The following OR1J2 variants were observed in gnomAD, a reference collection of about 807,000 sequenced individuals.
OR1J2 encodes olfactory receptor family 1 subfamily J member 2.
For missense variants in OR1J2, 304 were observed against 246.1 expected (o/e 1.24, Z -1.57); for synonymous variants, 142 against 99.7 (o/e 1.42, Z -2.52).
the OR1J2 span, among the ~76,000 whole-genome samples, chr9:122,575,830 C>CA: frequency 6.6e-6 from 1 of 152,296 alleles, no homozygotes; most frequent in African/African-American, 2.4e-5. Flanking sequence ...TCATGTTGTA[C>CA]ATTAGATCTC....
the OR1J2 span, among the ~76,000 whole-genome samples, chr9:122,467,891 C>T: frequency 6.6e-6 from 1 of 152,202 alleles, no homozygotes; most frequent in Non-Finnish European, 1.5e-5. Flanking sequence ...GCAGATTCTT[C>T]ACCATCACTG....
At chr9:122,544,059 G>T in the OR1J2 span, among the ~76,000 whole-genome samples, 1 of 152,032 alleles carries the variant, frequency 6.6e-6, no homozygotes, top group Non-Finnish European at 1.5e-5. Context: ...TAGAATTTGT[G>T]TAAGATTAAA....
Position 122,511,734 on chromosome 9 carries a change from C to G in OR1J2, c.933C>G (p.Phe311Leu), listed in dbSNP as rs1828642268. ...LGKLFSRATF[F>L]SW Reference sequence around the variant, plus strand: ...AACTCTTCAGTAGAGCAACATTTTTCTCTTGGTGACATCTGACTTTTTAAA... The same window carrying G: ...AACTCTTCAGTAGAGCAACATTTTTGTCTTGGTGACATCTGACTTTTTAAA... Residue 311 changes from phenylalanine (F) to leucine (L), a missense_variant, in exon 1 of 1, where the codon TTC becomes TTG. By Grantham distance (22) the Phe-to-Leu change is conservative (BLOSUM62 0). Coordinates refer to ENST00000335302, the MANE Select transcript of OR1J2 (RefSeq NM_054107.1). 1.3e-6 allele frequency: 1 copy of G among 780,676 alleles called. No homozygotes were observed. Among genetic ancestry groups the G allele is most frequent in the African/African-American group, 1.7e-5 (1 of 59,120 alleles). 48.4% of individuals were successfully genotyped at this position (780,676 alleles called of 1,614,324 possible). A position where few individuals can be genotyped will look rare whatever the true frequency, so the allele number is the denominator to read the frequency against.
the OR1J2 span, among the ~76,000 whole-genome samples, chr9:122,528,386 T>C: frequency 1.3e-5 from 2 of 151,982 alleles, no homozygotes; most frequent in Non-Finnish European, 2.9e-5. Flanking sequence ...CTACCTGAGG[T>C]CAGTAGTTCA....
At chr9:122,477,682 A>G in the OR1J2 span, 2 of 1,614,220 alleles carry the variant, frequency 1.2e-6, no homozygotes. Flanking sequence ...CATGTTCATC[A>G]GCATCTTAGG....
chr9:122,575,439 T>G, the OR1J2 span, among the ~76,000 whole-genome samples: 1 of 152,164 alleles, frequency 6.6e-6, no homozygotes, highest in African/African-American at 2.4e-5. Context: ...TATCATGTCT[T>G]TCAAAGAATT....
chr9:122,571,039 T>C, the OR1J2 span, among the ~76,000 whole-genome samples: 2 of 152,202 alleles, frequency 1.3e-5, no homozygotes, highest in Non-Finnish European at 2.9e-5. Flanking sequence ...ATACATATCT[T>C]ACAATCGTGC....
chr9:122,504,731 C>T, the OR1J2 span, among the ~76,000 whole-genome samples: 1 of 152,086 alleles, frequency 6.6e-6, no homozygotes, highest in African/African-American at 2.4e-5. Flanking sequence ...TGTCCAAACC[C>T]ACCACAGGTA....
the OR1J2 span, among the ~76,000 whole-genome samples, chr9:122,521,862 G>A: frequency 1.3e-5 from 2 of 152,148 alleles, no homozygotes; most frequent in Non-Finnish European, 2.9e-5. Flanking sequence ...GACCAATATT[G>A]TCATTTATGT....
chr9:122,483,130 C>T, the OR1J2 span, among the ~76,000 whole-genome samples: 6 of 152,090 alleles, frequency 3.9e-5, no homozygotes, highest in Admixed American at 6.5e-5. Context: ...ATTATTGTGT[C>T]AATTAAGCAT....
the OR1J2 span, among the ~76,000 whole-genome samples, chr9:122,478,756 A>G: frequency 6.6e-6 from 1 of 152,166 alleles, no homozygotes; most frequent in Admixed American, 6.5e-5. Flanking sequence ...TTTCAGATCC[A>G]TACATAATTG....
At chr9:122,507,627 C>G (rs777507239), upstream of OR1J2, among the ~76,000 whole-genome samples, 4 of 152,154 alleles carry the variant, frequency 2.6e-5, no homozygotes, top group African/African-American at 9.7e-5. Flanking sequence ...CATTTTCCCC[C>G]TGTGCTCATA....
chr9:122,531,337 T>C, the OR1J2 span, among the ~76,000 whole-genome samples: 11,448 of 152,254 alleles, frequency 0.075, 491 homozygotes, highest in Non-Finnish European at 0.096. Flanking sequence ...CCAGGAGATA[T>C]CAGCTGTGAT....
At chr9:122,534,523 T>C in the OR1J2 span, among the ~76,000 whole-genome samples, 2 of 152,084 alleles carry the variant, frequency 1.3e-5, no homozygotes, top group Non-Finnish European at 2.9e-5. Context: ...TTTAAGAGGA[T>C]ATTGCTGGGC....
At chr9:122,572,524 G>A in the OR1J2 span, among the ~76,000 whole-genome samples, 15 of 152,072 alleles carry the variant, frequency 9.9e-5, no homozygotes, top group African/African-American at 2.4e-4. Context: ...AGTACAGGGT[G>A]AGTGTATGGG....
chr9:122,452,415 C>G, the OR1J2 span, among the ~76,000 whole-genome samples: 1 of 152,106 alleles, frequency 6.6e-6, no homozygotes, highest in African/African-American at 2.4e-5. Context: ...TTAGGTTGGC[C>G]ATAGTGTTCC....
At chr9:122,505,085 A>G in the OR1J2 span, among the ~76,000 whole-genome samples, 2 of 152,186 alleles carry the variant, frequency 1.3e-5, no homozygotes, top group Non-Finnish European at 2.9e-5. Context: ...TCCAAGTTAT[A>G]TAAAGTTGTG....
At chr9:122,522,028 C>G in the OR1J2 span, among the ~76,000 whole-genome samples, 1 of 152,214 alleles carries the variant, frequency 6.6e-6, no homozygotes, top group South Asian at 2.1e-4. Context: ...CCAAAGCACA[C>G]TGGGGTGCAC....
chr9:122,494,601 G>C, the OR1J2 span, among the ~76,000 whole-genome samples: 1 of 152,122 alleles, frequency 6.6e-6, no homozygotes, highest in Admixed American at 6.5e-5. Context: ...CTCCTGAAGA[G>C]AGCAGAAACT....
Sources: gnomAD v4.1 joint callset for allele counts (sites outside exome capture counted in the v4.1 genomes callset) on GRCh38, gnomAD v4.1.1 for gene constraint, MANE v1.5 for transcripts, NCBI Gene and HGNC (gene_info 2026-07-23, HGNC 2026-07-21) for gene names.